ZNF777: variants seen among roughly 807,000 people sequenced by gnomAD.
The protein encoded by ZNF777 is zinc finger protein 777.
ZNF777 carries 7 observed loss-of-function variants against 72.1 expected under a neutral mutation model. That is an observed-to-expected ratio of 0.10 (90% CI 0.06 to 0.18). ZNF777 has a LOEUF of 0.18. ZNF777 is among the 10% of genes least tolerant of loss of function. The pLI is 1.00. For missense variants in ZNF777, 828 were observed against 1,128.6 expected (o/e 0.73, Z 3.82); for synonymous variants, 545 against 483.5 (o/e 1.13, Z -1.67).
intron 4 of ZNF777, among the ~76,000 whole-genome samples, chr7:149,437,421 G>A (rs1044485174): frequency 3.5e-4 from 53 of 152,204 alleles, no homozygotes; most frequent in African/African-American, 1.2e-3. Flanking sequence ...CCCACCCTTC[G>A]GCCCCATACC....
chr7:149,450,115 T>G (rs1799686629), intron 4 of ZNF777, among the ~76,000 whole-genome samples: 6 of 152,160 alleles, frequency 3.9e-5, no homozygotes, highest in African/African-American at 1.4e-4. Context: ...TCAGCTATGT[T>G]CACACGCCAC....
intron 3 of ZNF777, among the ~76,000 whole-genome samples, chr7:149,453,903 G>C (rs557507256): frequency 6.6e-6 from 1 of 152,314 alleles, no homozygotes; most frequent in South Asian, 2.1e-4. Flanking sequence ...CTGAGAGTGG[G>C]GTCTCAATTT....
In ZNF777 at chr7:149,455,124, C is replaced by A; in HGVS notation, c.846+53G>T. 6.5e-7 allele frequency: 1 copy of A among 1,549,734 alleles called. No individual in the cohort carries two copies. The highest frequency in any genetic ancestry group is 8.7e-7 in the Non-Finnish European group (1 of 1,152,062). On this transcript the variant is annotated intron_variant, in intron 2 of 5. Coordinates refer to ENST00000247930, the MANE Select transcript of ZNF777 (RefSeq NM_015694.3). This position sits in a 1 kb window ranked among gnomAD's most constrained non-coding sequence, Gnocchi z 4.2. ...TTCATATTACACTACATTCCTAAAC[C>A]ACACTCCAATTCAGATCACTTCCTT...
At chr7:149,434,395 A>T (rs1157433017) in intron 5 of ZNF777, among the ~76,000 whole-genome samples, 1 of 152,164 alleles carries the variant, frequency 6.6e-6, no homozygotes, top group Non-Finnish European at 1.5e-5. Flanking sequence ...TCTCAGCAAG[A>T]AGCGACCCAG....
intron 1 of ZNF777, chr7:149,459,793 A>G (rs1799909973): frequency 1.0e-6 from 1 of 984,554 alleles, no homozygotes; most frequent in Admixed American, 6.2e-5. Context: ...AGCTCTGCGG[A>G]AAACGTGCCG....
chr7:149,459,940 C>G (rs13311411), intron 1 of ZNF777: 2 of 925,944 alleles, frequency 2.2e-6, no homozygotes, highest in Non-Finnish European at 2.6e-6. Flanking sequence ...AGGCCCGTAG[C>G]CCTCCCCCAC....
intron 4 of ZNF777, among the ~76,000 whole-genome samples, chr7:149,449,368 G>A (rs935182510): frequency 6.6e-6 from 1 of 152,192 alleles, no homozygotes; most frequent in African/African-American, 2.4e-5. Context: ...CCCAGCCCAG[G>A]ACCGAATGGA....
At position 149,459,915 on chromosome 7, in the gene ZNF777, G is replaced by C. The variant is rs1300704422; in HGVS notation, c.-16+900C>G. ...GCCGGGCGTGAGAGCAGCCTCCCTC[G>C]CACGGACGGCGGCGAGGCCCGTAGC... On this transcript the variant is annotated intron_variant, in intron 1 of 5. Transcript: ENST00000247930. The C allele has an allele frequency of 1.1e-5, 11 of 960,258 alleles. 1 individual carries two copies. In the East Asian group the frequency reaches 1.2e-3, roughly 102 times the overall value. The allele number at this position is 960,258 out of a possible 1,614,324, so 59.5% of individuals were successfully genotyped here. A position where few individuals can be genotyped will look rare whatever the true frequency, so the allele number is the denominator to read the frequency against.
intron 3 of ZNF777, among the ~76,000 whole-genome samples, chr7:149,452,202 G>A (rs10282590): frequency 1.3e-5 from 2 of 151,444 alleles, no homozygotes; most frequent in African/African-American, 2.4e-5. Context: ...GAGGCGGAGC[G>A]TGCAGTGAGC....
chr7:149,450,031 A>G (rs993573821), intron 4 of ZNF777, among the ~76,000 whole-genome samples: 1 of 152,152 alleles, frequency 6.6e-6, no homozygotes, highest in Non-Finnish European at 1.5e-5. Flanking sequence ...TCCTAACAAG[A>G]CCTGGCTGTT....
chr7:149,456,156 C>A, intron 1 of ZNF777, 119 bp from the exon 2 acceptor site: 3 of 1,084,108 alleles, frequency 2.8e-6, no homozygotes, highest in Non-Finnish European at 3.8e-6. Flanking sequence ...ATAATATGTG[C>A]CCCTCATATG....
rs1799341587 is a variant in ZNF777 at position 149,432,760 on chromosome 7, C to T, written c.1512G>A (p.Pro504=). The change falls in exon 6 of 6, where the codon CCG becomes CCA. Residue 504 remains proline (P), a synonymous_variant. Transcript: ENST00000247930. ...CTGCGGGGTTTCCTAGCTGCAGGGG[C>T]GGGGGGCTCTCCTCGCCCTCGGGGG... ...EMSPEGEESP[P]PLQLGNPAVK... is the part of the protein sequence containing the mutation. The T allele has an allele frequency of 2.5e-6, 4 of 1,610,502 alleles. No individual in the cohort carries two copies. Among genetic ancestry groups the T allele is most frequent in the East Asian group, 2.2e-5 (1 of 44,734 alleles).
chr7:149,435,320 G>A (rs974844734), intron 5 of ZNF777, among the ~76,000 whole-genome samples: 14 of 152,144 alleles, frequency 9.2e-5, no homozygotes, highest in South Asian at 2.1e-4. Flanking sequence ...ACAGGCATGC[G>A]CCACCATTCC....
At chr7:149,457,377 A>C (rs1245200314) in intron 1 of ZNF777, among the ~76,000 whole-genome samples, 1 of 152,190 alleles carries the variant, frequency 6.6e-6, no homozygotes, top group Non-Finnish European at 1.5e-5. Flanking sequence ...TCTATATCCA[A>C]GTGGTCTTTA....
intron 4 of ZNF777, among the ~76,000 whole-genome samples, chr7:149,441,361 TGATG>T (rs1231205764): frequency 6.6e-6 from 1 of 152,222 alleles, no homozygotes; most frequent in Non-Finnish European, 1.5e-5. Context: ...ATCAAACTCC[TGATG>T]AACAAAAAAA....
intron 5 of ZNF777, among the ~76,000 whole-genome samples, chr7:149,433,711 G>A (rs762651273): frequency 9.9e-5 from 15 of 152,192 alleles, no homozygotes; most frequent in African/African-American, 1.4e-4. Context: ...AAGATGCACC[G>A]GCACAGTCAG....
chr7:149,455,066 C>T lies in ZNF777; in HGVS notation c.846+111G>A. On this transcript the variant is annotated intron_variant, in intron 2 of 5. Transcript: ENST00000247930. The surrounding 1 kb of genome is among the most constrained non-coding windows in gnomAD (Gnocchi z 4.2). The stretch of plus-strand genomic sequence containing the variant: ...TGGCATGTCCTAGCAACTGGGATCA[C>T]TGTATTTTTTCCTTTATCAACCACC... 7.5e-7 allele frequency: 1 copy of T among 1,337,698 alleles called. No homozygotes were observed. Among genetic ancestry groups the T allele is most frequent in the Non-Finnish European group, 1.0e-6 (1 of 977,936 alleles). The allele number at this position is 1,337,698 out of a possible 1,614,324, so 82.9% of individuals were successfully genotyped here.
chr7:149,456,135 G>GGAAGCAC, intron 1 of ZNF777, 98 bp from the exon 2 acceptor site: 1 of 1,326,842 alleles, frequency 7.5e-7, no homozygotes, highest in East Asian at 2.4e-5. Flanking sequence ...AAGTGCTTCC[G>GGAAGCAC]TTTGGTAGCA....
intron 4 of ZNF777, among the ~76,000 whole-genome samples, chr7:149,437,795 GTTTC>G (rs1262847942): frequency 2.7e-5 from 2 of 73,666 alleles, no homozygotes; most frequent in Non-Finnish European, 2.7e-5. Context: ...TTATATGTTT[GTTTC>G]TTTTTCTTTT....
Sources: gnomAD v4.1 joint callset for allele counts (sites outside exome capture counted in the v4.1 genomes callset) on GRCh38, gnomAD v4.1.1 for gene constraint, Gnocchi (gnomAD v3.1) non-coding constraint, MANE v1.5 for transcripts, NCBI Gene and HGNC (gene_info 2026-07-23, HGNC 2026-07-21) for gene names.